CCSER1: variants seen among roughly 807,000 people sequenced by gnomAD.
CCSER1 encodes the protein coiled-coil serine rich protein 1.
CCSER1 carries 41 observed loss-of-function variants against 82.0 expected under a neutral mutation model. The ratio of observed to expected loss-of-function variants is 0.50; its 90% CI spans 0.39 to 0.65. The LOEUF is 0.65. Ranked by LOEUF, CCSER1 falls within the 30% of genes least tolerant of loss-of-function variation. CCSER1 has a pLI of 0.00. For synonymous variants in CCSER1, 414 were observed against 383.9 expected, an observed-to-expected ratio of 1.08 and a Z score of -0.92; for missense variants, 1,119 against 1,064.2, an observed-to-expected ratio of 1.05 and a Z score of -0.72.
chr4:90,401,595 G>A (rs764442254), intron 4 of CCSER1, among the ~76,000 whole-genome samples: 5 of 151,960 alleles, frequency 3.3e-5, no homozygotes, highest in East Asian at 1.9e-4. Flanking sequence ...GTCCAGTGGC[G>A]TGATCTCAGC....
At chr4:90,736,935 T>C (rs1015525834) in intron 7 of CCSER1, among the ~76,000 whole-genome samples, 1 of 152,082 alleles carries the variant, frequency 6.6e-6, no homozygotes, top group Admixed American at 6.6e-5. Flanking sequence ...AAAATAGGTT[T>C]AAAATGCAAT....
intron 8 of CCSER1, among the ~76,000 whole-genome samples, chr4:90,918,053 T>C (rs1272183833): frequency 1.3e-5 from 2 of 152,094 alleles, no homozygotes; most frequent in Non-Finnish European, 2.9e-5. Context: ...TTTGCCAAAC[T>C]TTCTTTTGCA....
intron 7 of CCSER1, among the ~76,000 whole-genome samples, chr4:90,797,160 G>GT (rs1356425641): frequency 1.3e-5 from 2 of 152,060 alleles, no homozygotes; most frequent in African/African-American, 2.4e-5. Context: ...ATGAATCTGG[G>GT]TACTCCTATG....
At chr4:91,193,190 T>G (rs1560506896) in intron 10 of CCSER1, among the ~76,000 whole-genome samples, 3 of 152,190 alleles carry the variant, frequency 2.0e-5, no homozygotes, top group Non-Finnish European at 4.4e-5. Flanking sequence ...CTAAGTAAGT[T>G]TCTGTCCAGA....
chr4:91,383,335 T>C (rs983751153), intron 10 of CCSER1, among the ~76,000 whole-genome samples: 3 of 152,122 alleles, frequency 2.0e-5, no homozygotes, highest in African/African-American at 7.2e-5. Context: ...AACCATTTTT[T>C]CTTCATGTTA....
chr4:90,658,385 C>T (rs1027025755), intron 6 of CCSER1, among the ~76,000 whole-genome samples: 1 of 152,100 alleles, frequency 6.6e-6, no homozygotes, highest in Admixed American at 6.6e-5. Context: ...CATTGGGAAC[C>T]TAGTGGGATT....
chr4:91,382,572 T>G (rs760792699), intron 10 of CCSER1, among the ~76,000 whole-genome samples: 1 of 152,050 alleles, frequency 6.6e-6, no homozygotes, highest in Non-Finnish European at 1.5e-5. Flanking sequence ...AGTATTAGGG[T>G]GAGAGTGACC....
chr4:91,202,311 G>A (rs1735966787), intron 10 of CCSER1, among the ~76,000 whole-genome samples: 1 of 151,956 alleles, frequency 6.6e-6, no homozygotes, highest in Non-Finnish European at 1.5e-5. Context: ...TGGCATTGTA[G>A]CACACTCACA....
At chr4:90,819,152 A>G (rs139149677) in intron 8 of CCSER1, among the ~76,000 whole-genome samples, 56 of 152,228 alleles carry the variant, frequency 3.7e-4, no homozygotes, top group African/African-American at 1.3e-3. Context: ...TGGTGCATGC[A>G]CATAGGGAGA....
intron 7 of CCSER1, among the ~76,000 whole-genome samples, chr4:90,805,921 A>T (rs1215262086): frequency 6.6e-6 from 1 of 152,142 alleles, no homozygotes. Context: ...TCATCCTTAA[A>T]AATATGTTCT....
chr4:91,532,963 T>C, intron 10 of CCSER1, among the ~76,000 whole-genome samples: 1 of 152,120 alleles, frequency 6.6e-6, no homozygotes, highest in East Asian at 1.9e-4. Flanking sequence ...AAATCATTGC[T>C]AAAATACCAA....
chr4:90,271,370 TGAA>T (rs1166104125), intron 1 of CCSER1, among the ~76,000 whole-genome samples: 2 of 152,096 alleles, frequency 1.3e-5, no homozygotes, highest in Admixed American at 6.6e-5. Flanking sequence ...GATAAAGCTG[TGAA>T]GAACATACAC....
Position 90,309,617 on chromosome 4 carries a change from A to AT in CCSER1, c.1324+17dup, listed in dbSNP as rs759173030. Reference sequence around the variant, plus strand: ...AGCAAATCCTGCCAAAGGTATGCTGATTTTTTTTGTATAACAAATGATATG... The same window carrying AT: ...AGCAAATCCTGCCAAAGGTATGCTGATTTTTTTTTGTATAACAAATGATATG... On this transcript the variant is annotated intron_variant, in intron 2 of 10. Transcript: ENST00000509176. The AT allele has an allele frequency of 1.0e-4, 161 of 1,537,832 alleles. 1 individual carries two copies. The highest frequency in any genetic ancestry group is 6.2e-4 in the Middle Eastern group (3 of 4,864).
chr4:90,748,832 C>A (rs1168075721), intron 7 of CCSER1, among the ~76,000 whole-genome samples: 2 of 149,756 alleles, frequency 1.3e-5, no homozygotes, highest in African/African-American at 2.5e-5. Context: ...GCATAAATGT[C>A]TTCTTTTGAG....
intron 5 of CCSER1, among the ~76,000 whole-genome samples, chr4:90,530,818 G>A (rs1274020930): frequency 2.6e-5 from 4 of 151,950 alleles, no homozygotes; most frequent in African/African-American, 9.7e-5. Flanking sequence ...CAGCTATTTC[G>A]GCAGTTTCCT....
Position 91,225,364 on chromosome 4 carries a change from T to C in CCSER1, c.2217+139370T>C, listed in dbSNP as rs189428445. On this transcript the variant is annotated intron_variant, in intron 10 of 10. Transcript: ENST00000509176. ...ATGTAATATATATGTATATATATTA[T>C]ATATGTAATATATATGATATAATAT... 7.0e-3 allele frequency among the ~76,000 whole-genome samples: 584 copies of C among 84,014 alleles called. 5 individuals carry two copies. Among genetic ancestry groups the C allele is most frequent in the African/African-American group, 0.026 (544 of 20,986 alleles). 55.1% of individuals were successfully genotyped at this position (84,014 alleles called of 152,430 possible).
At chr4:90,751,512 C>T (rs1748660944) in intron 7 of CCSER1, among the ~76,000 whole-genome samples, 1 of 151,898 alleles carries the variant, frequency 6.6e-6, no homozygotes, top group African/African-American at 2.4e-5. Flanking sequence ...AAAAAGTACA[C>T]AGAAACATCA....
intron 9 of CCSER1, among the ~76,000 whole-genome samples, chr4:91,045,312 G>T (rs1742354253): frequency 6.6e-6 from 1 of 152,122 alleles, no homozygotes; most frequent in Non-Finnish European, 1.5e-5. Context: ...TTGATTTAAT[G>T]TTATATACTT....
chr4:90,502,049 T>C (rs1467447663), intron 5 of CCSER1, among the ~76,000 whole-genome samples: 2 of 152,158 alleles, frequency 1.3e-5, no homozygotes, highest in Non-Finnish European at 2.9e-5. Context: ...CATATAAAAT[T>C]ATAGAGCAAA....
Sources: allele counts gnomAD v4.1 joint callset (sites outside exome capture counted in the v4.1 genomes callset), GRCh38; gene constraint gnomAD v4.1.1; transcripts MANE v1.5; gene names NCBI Gene and HGNC (gene_info 2026-07-23, HGNC 2026-07-21).